The following MSRB2 variants were observed in gnomAD, a reference collection of about 807,000 sequenced individuals.
The protein encoded by MSRB2 is methionine sulfoxide reductase B2, also known as methionine-R-sulfoxide reductase B2, mitochondrial.
In MSRB2, 17 loss-of-function variants were observed where a neutral mutation model predicts 19.0. That is an observed-to-expected ratio of 0.89 (90% CI 0.61 to 1.34). MSRB2 has a LOEUF of 1.34. Ranked by LOEUF, MSRB2 falls within the 40% of genes most tolerant of loss-of-function variation. The pLI is 0.00. For synonymous variants in MSRB2, 107 were observed against 99.7 expected (o/e 1.07, Z -0.44); for missense variants, 208 against 237.6 (o/e 0.88, Z 0.82).
rs1331671125 is a variant in MSRB2 at position 23,098,284 on chromosome 10, A to G, written c.118+2558A>G. ...GGCAGTATAGCAACTGTGGCCAGGA[A>G]GGTTAGCAAAACCCGAAGGAGGCAC... On this transcript the variant is annotated intron_variant, in intron 1 of 4. Coordinates refer to ENST00000376510, the MANE Select transcript of MSRB2 (RefSeq NM_012228.4). Among the ~76,000 whole-genome samples the G allele has an allele frequency of 2.0e-5, 3 of 152,318 alleles. No individual in the cohort carries two copies. The East Asian group carries it at 5.8e-4, about 29-fold the overall frequency.
At chr10:23,119,159 G>C (rs532873592) in intron 3 of MSRB2, 145 bp from the exon 4 acceptor site, 5 of 1,004,300 alleles carry the variant, frequency 5.0e-6, no homozygotes, top group South Asian at 1.3e-5. Flanking sequence ...ATTCCGGGGG[G>C]ACTGACTGTC....
chr10:23,109,340 A>G (rs1018052482), intron 2 of MSRB2, among the ~76,000 whole-genome samples: 1 of 152,142 alleles, frequency 6.6e-6, no homozygotes, highest in Non-Finnish European at 1.5e-5. Flanking sequence ...ACTTGAGGTC[A>G]GGAGTTCGAG....
chr10:23,108,195 T>G (rs538861029), intron 2 of MSRB2, among the ~76,000 whole-genome samples: 24 of 152,140 alleles, frequency 1.6e-4, no homozygotes, highest in Middle Eastern at 3.4e-3. Context: ...TGACCTCAGG[T>G]GATCCACCCG....
At chr10:23,096,360 G>C (rs1033944194) in intron 1 of MSRB2, among the ~76,000 whole-genome samples, 3 of 150,924 alleles carry the variant, frequency 2.0e-5, no homozygotes, top group Non-Finnish European at 4.4e-5. Flanking sequence ...CTCTGTGTGT[G>C]TGTGTGTGTG....
intron 1 of MSRB2, among the ~76,000 whole-genome samples, chr10:23,101,586 T>C (rs1839927177): frequency 6.6e-6 from 1 of 152,212 alleles, no homozygotes; most frequent in Non-Finnish European, 1.5e-5. Flanking sequence ...ATCTCCACAC[T>C]GTTTTCCATA....
intron 3 of MSRB2, among the ~76,000 whole-genome samples, chr10:23,118,337 G>GTTTTTTTTTT (rs35011086): frequency 1.2e-4 from 11 of 92,154 alleles, no homozygotes; most frequent in South Asian, 4.1e-4. Flanking sequence ...TTAGTTTTTT[G>GTTTTTTTTTT]TTTTTTTTTT....
chr10:23,119,854 C>G (rs963003745), intron 4 of MSRB2, among the ~76,000 whole-genome samples: 2 of 152,214 alleles, frequency 1.3e-5, no homozygotes, highest in Non-Finnish European at 2.9e-5. Flanking sequence ...CTCGGCCTCC[C>G]AAAGTGCTGG....
Position 23,095,618 on chromosome 10 carries a change from C to T in MSRB2, c.10C>T (p.Leu4Phe), listed in dbSNP as rs1729471353. The T allele has an allele frequency of 6.8e-7, 1 of 1,478,824 alleles. No homozygotes were observed. Among genetic ancestry groups the T allele is most frequent in the Non-Finnish European group, 8.9e-7 (1 of 1,121,254 alleles). The allele number at this position is 1,478,824 out of a possible 1,614,324, so 91.6% of individuals were successfully genotyped here. A position where few individuals can be genotyped will look rare whatever the true frequency, so the allele number is the denominator to read the frequency against. The change falls in exon 1 of 5, where the codon CTC (leucine) becomes TTC (phenylalanine). Residue 4 changes from leucine to phenylalanine, a missense_variant. Transcript: ENST00000376510. MAR[L>F]LWLLRGLTLG... ...CGCCGGAGCGGGCGTCATGGCGCGG[C>T]TCCTCTGGTTGCTCCGGGGCCTGAC...
chr10:23,113,569 T>TGTTATG (rs1840077322), intron 3 of MSRB2, among the ~76,000 whole-genome samples: 1 of 152,228 alleles, frequency 6.6e-6, no homozygotes, highest in South Asian at 2.1e-4. Context: ...TGTTATGGGA[T>TGTTATG]GAATTGTGTC....
At chr10:23,109,176 G>C (rs954679486) in intron 2 of MSRB2, among the ~76,000 whole-genome samples, 1 of 152,182 alleles carries the variant, frequency 6.6e-6, no homozygotes, top group Non-Finnish European at 1.5e-5. Flanking sequence ...TTCATGGTCA[G>C]CTTGTGCAAG....
intron 3 of MSRB2, chr10:23,118,903 C>G (rs1209310268): frequency 2.6e-6 from 1 of 388,412 alleles, no homozygotes; most frequent in Non-Finnish European, 5.2e-6. Context: ...CCTTACACTT[C>G]TGCGCTGCTC....
At chr10:23,109,528 G>A (rs1440581386) in intron 2 of MSRB2, among the ~76,000 whole-genome samples, 1 of 130,786 alleles carries the variant, frequency 7.6e-6, no homozygotes, top group African/African-American at 2.8e-5. Context: ...GGGTGACAGT[G>A]AGACTTCATC....
At chr10:23,097,212 T>C (rs1277583083) in intron 1 of MSRB2, among the ~76,000 whole-genome samples, 1 of 139,052 alleles carries the variant, frequency 7.2e-6, no homozygotes, top group Non-Finnish European at 1.6e-5. Context: ...CCATTAAAAA[T>C]GATAAACGGA....
chr10:23,115,297 A>G (rs1235433304), intron 3 of MSRB2, among the ~76,000 whole-genome samples: 1 of 152,142 alleles, frequency 6.6e-6, no homozygotes, highest in African/African-American at 2.4e-5. Flanking sequence ...GCCTATTTGG[A>G]ATGTGTTTAT....
rs1030967116 is a variant in MSRB2, at chr10:23,095,623, C to T, written c.15C>T (p.Leu5=). 1 of 1,476,040 alleles carries T rather than the reference C, an allele frequency of 6.8e-7. No homozygotes were observed. The highest frequency in any genetic ancestry group is 8.9e-7 in the Non-Finnish European group (1 of 1,120,014). The allele number at this position is 1,476,040 out of a possible 1,614,324, so 91.4% of individuals were successfully genotyped here. Residue 5 remains leucine (L), a synonymous_variant, in exon 1 of 5, where the codon CTC becomes CTT. Transcript: ENST00000376510. MARL[L]WLLRGLTLGT... ...GAGCGGGCGTCATGGCGCGGCTCCT[C>T]TGGTTGCTCCGGGGCCTGACCCTCG... is the stretch of plus-strand genomic sequence containing the variant.
Position 23,104,201 on chromosome 10 carries a change from C to T in MSRB2, c.176C>T (p.Thr59Ile), listed in dbSNP as rs201493683. 1 of 1,613,890 alleles carries T rather than the reference C, an allele frequency of 6.2e-7. No homozygotes were observed. Among genetic ancestry groups the T allele is most frequent in the East Asian group, 2.2e-5 (1 of 44,838 alleles). ...LAKSEWQKKL[T>I]PEQFYVTREK... ...AAGAGTGAGTGGCAAAAGAAACTAA[C>T]CCCGGAGCAGTTCTACGTCACAAGA... is the stretch of plus-strand genomic sequence containing the variant. The change falls in exon 2 of 5, where the codon ACC becomes ATC. Residue 59 changes from threonine to isoleucine, a missense_variant. By Grantham distance (89) the Thr-to-Ile change is moderately conservative. Coordinates refer to ENST00000376510, the MANE Select transcript of MSRB2 (RefSeq NM_012228.4).
chr10:23,117,895 C>T (rs138525184), intron 3 of MSRB2, among the ~76,000 whole-genome samples: 64 of 152,266 alleles, frequency 4.2e-4, no homozygotes, highest in Non-Finnish European at 7.6e-4. Flanking sequence ...CAGCAAAATT[C>T]GAAACTTTTT....
rs1235544329 is a variant in MSRB2 at position 23,096,338 on chromosome 10, G to GTC, written c.118+626_118+627dup. On this transcript the variant is annotated intron_variant, in intron 1 of 4. Coordinates refer to ENST00000376510, the MANE Select transcript of MSRB2 (RefSeq NM_012228.4). Reference sequence around the variant, plus strand: ...GACCAGGGCGAGCCTGTGTGTGTGTGTCTCTCTCTCTCTCTGTGTGTGTGT... The same window carrying GTC: ...GACCAGGGCGAGCCTGTGTGTGTGTGTCTCTCTCTCTCTCTCTGTGTGTGTGT... Among the ~76,000 whole-genome samples, 105 of 138,428 alleles carry GTC rather than the reference G, an allele frequency of 7.6e-4. 1 individual carries two copies. Among genetic ancestry groups the GTC allele is most frequent in the Middle Eastern group, 3.8e-3 (1 of 264 alleles). The allele number at this position is 138,428 out of a possible 152,430, so 90.8% of individuals were successfully genotyped here. A position where few individuals can be genotyped will look rare whatever the true frequency, so the allele number is the denominator to read the frequency against.
chr10:23,099,441 TC>T (rs1221198460), intron 1 of MSRB2, among the ~76,000 whole-genome samples: 1 of 152,182 alleles, frequency 6.6e-6, no homozygotes, highest in Non-Finnish European at 1.5e-5. Flanking sequence ...GTGTAAAAGG[TC>T]CACATTGATA....
Sources: gnomAD v4.1 joint callset for allele counts (sites outside exome capture counted in the v4.1 genomes callset) on GRCh38, gnomAD v4.1.1 for gene constraint, MANE v1.5 for transcripts, NCBI Gene and HGNC (gene_info 2026-07-23, HGNC 2026-07-21) for gene names.